UNC13C: variants seen among roughly 807,000 people sequenced by gnomAD.
UNC13C encodes protein unc-13 homolog C.
Under a neutral mutation model 245.4 loss-of-function variants are expected in UNC13C, and 174 were observed. The ratio of observed to expected loss-of-function variants is 0.71; its 90% CI spans 0.63 to 0.80. The LOEUF (loss-of-function observed/expected upper bound fraction) is 0.80. UNC13C is among the 30% of genes least tolerant of loss of function. The probability of loss-of-function intolerance (pLI) is 0.00; values close to 1 mark genes in which losing one functional copy is unlikely to be tolerated. For missense variants in UNC13C, 2,829 were observed against 2,602.9 expected (o/e 1.09, Z -1.89); for synonymous variants, 992 against 895.1 (o/e 1.11, Z -1.93).
At chr15:54,426,851 G>A (rs902332702) in intron 19 of UNC13C, among the ~76,000 whole-genome samples, 2 of 151,714 alleles carry the variant, frequency 1.3e-5, no homozygotes, top group Non-Finnish European at 2.9e-5. Context: ...ATTAAATTAG[G>A]TGCTACGTGT....
At chr15:54,321,693 A>T in intron 13 of UNC13C, 1 of 435,340 alleles carries the variant, frequency 2.3e-6, no homozygotes, top group Non-Finnish European at 4.0e-6. Context: ...GGAGACTTTA[A>T]CAATGCTTTC....
chr15:54,430,418 T>G (rs1404677690), intron 19 of UNC13C, among the ~76,000 whole-genome samples: 4 of 151,764 alleles, frequency 2.6e-5, no homozygotes, highest in Non-Finnish European at 4.4e-5. Context: ...TTTTCATGCT[T>G]CTTTCGTATT....
chr15:54,061,141 A>G (rs1317719359), intron 2 of UNC13C, among the ~76,000 whole-genome samples: 1 of 152,004 alleles, frequency 6.6e-6, no homozygotes, highest in African/African-American at 2.4e-5. Flanking sequence ...AAAGGAATCT[A>G]AATTTAAAAA....
intron 16 of UNC13C, among the ~76,000 whole-genome samples, chr15:54,336,060 A>T (rs2038566774): frequency 1.3e-5 from 2 of 151,766 alleles, no homozygotes; most frequent in African/African-American, 2.4e-5. Context: ...GGAGGGGTTG[A>T]TTTTCTATCT....
chr15:53,975,489 C>T (rs1031730367), upstream of UNC13C, among the ~76,000 whole-genome samples: 2 of 152,064 alleles, frequency 1.3e-5, no homozygotes, highest in South Asian at 4.2e-4. Flanking sequence ...TTACCAATTC[C>T]CTAAAATAAA....
At chr15:54,156,367 T>A (rs2032745341) in intron 4 of UNC13C, among the ~76,000 whole-genome samples, 1 of 152,190 alleles carries the variant, frequency 6.6e-6, no homozygotes, top group Non-Finnish European at 1.5e-5. Flanking sequence ...ACCAGGGGAT[T>A]TGTAGAAGCC....
At chr15:54,159,919 T>C (rs995788861) in intron 4 of UNC13C, among the ~76,000 whole-genome samples, 7 of 152,184 alleles carry the variant, frequency 4.6e-5, no homozygotes, top group Non-Finnish European at 2.9e-5. Flanking sequence ...TCCTCTTCCC[T>C]TAGTTACTAT....
At chr15:54,080,535 T>C (rs145704900) in intron 2 of UNC13C, among the ~76,000 whole-genome samples, 32 of 152,160 alleles carry the variant, frequency 2.1e-4, no homozygotes, top group African/African-American at 7.0e-4. Flanking sequence ...AATTTCTTAC[T>C]GTTTTAATCT....
chr15:54,048,142 A>G lies in UNC13C; in HGVS notation c.2983+32256A>G, dbSNP rs567811488. Among the ~76,000 whole-genome samples, 553 of 152,304 alleles carry G rather than the reference A, an allele frequency of 3.6e-3. 1 individual carries two copies. Among genetic ancestry groups the G allele is most frequent in the Non-Finnish European group, 5.3e-3 (362 of 68,006 alleles). On this transcript the variant is annotated intron_variant, in intron 2 of 32. Coordinates refer to ENST00000260323, the MANE Select transcript of UNC13C (RefSeq NM_001080534.3). ...TCCTTAGTTAATCAGAATTCATTTC[A>G]AAATACAAAACTTCTTAAATATAAG... is the stretch of plus-strand genomic sequence containing the variant.
Position 54,256,455 on chromosome 15 carries a change from G to A in UNC13C, c.3448+6011G>A, listed in dbSNP as rs74013563. The stretch of plus-strand genomic sequence containing the variant: ...TTTCACTTTCCAGTTTCAGTCCTCC[G>A]CAGTATGGTCCAAAAATATTAAATA... On this transcript the variant is annotated intron_variant, in intron 8 of 32. Coordinates refer to ENST00000260323, the MANE Select transcript of UNC13C (RefSeq NM_001080534.3). 5.9e-5 allele frequency among the ~76,000 whole-genome samples: 9 copies of A among 151,972 alleles called. No individual in the cohort carries two copies. The South Asian group carries it at 8.3e-4, about 14-fold the overall frequency.
At chr15:54,399,014 G>A (rs1452225404) in intron 18 of UNC13C, among the ~76,000 whole-genome samples, 2 of 151,498 alleles carry the variant, frequency 1.3e-5, no homozygotes, top group African/African-American at 4.8e-5. Flanking sequence ...GGTTATAGCA[G>A]TAATCCAGTG....
intron 18 of UNC13C, among the ~76,000 whole-genome samples, chr15:54,398,165 G>C (rs779201475): frequency 6.0e-5 from 9 of 151,258 alleles, no homozygotes; most frequent in Admixed American, 1.3e-4. Flanking sequence ...TATCATGAAA[G>C]GGTGTTGGAT....
At chr15:54,063,554 T>G (rs1595794849) in intron 2 of UNC13C, among the ~76,000 whole-genome samples, 1 of 152,230 alleles carries the variant, frequency 6.6e-6, no homozygotes, top group East Asian at 1.9e-4. Flanking sequence ...CCTCACTCAT[T>G]TTTATTCTCC....
Position 54,494,243 on chromosome 15 carries a change from G to T in UNC13C, c.4934-365G>T, listed in dbSNP as rs114960500. Among the ~76,000 whole-genome samples, 962 of 152,136 alleles carry T rather than the reference G, an allele frequency of 6.3e-3. 8 individuals carry two copies. Among genetic ancestry groups the T allele is most frequent in the African/African-American group, 0.022 (922 of 41,558 alleles). On this transcript the variant is annotated intron_variant, in intron 19 of 32. Transcript: ENST00000260323. ...AACTTAAAGAATAATTTTAAAAAAA[G>T]AATTTTAATTCTCTCTGTCACTTTG...
intron 4 of UNC13C, among the ~76,000 whole-genome samples, chr15:54,158,651 AT>A (rs10715294): frequency 0.029 from 4,303 of 149,590 alleles, 210 homozygotes; most frequent in African/African-American, 0.1. Context: ...TTTTCTTTTT[AT>A]TTTTTTTAAA....
intron 2 of UNC13C, chr15:54,050,548 G>A: frequency 2.2e-6 from 1 of 461,990 alleles, no homozygotes; most frequent in Non-Finnish European, 4.3e-6. Context: ...CTATCTTCCT[G>A]CAAGTATTCT....
At chr15:54,490,369 A>G (rs537240065) in intron 19 of UNC13C, among the ~76,000 whole-genome samples, 1 of 152,324 alleles carries the variant, frequency 6.6e-6, no homozygotes, top group South Asian at 2.1e-4. Context: ...GTGTGGCTGC[A>G]GTAAAGTAGA....
chr15:54,406,463 G>T (rs2040295433), intron 18 of UNC13C, among the ~76,000 whole-genome samples: 1 of 152,178 alleles, frequency 6.6e-6, no homozygotes, highest in African/African-American at 2.4e-5. Flanking sequence ...CCATTTCTCA[G>T]ATTCCTTCCA....
intron 19 of UNC13C, among the ~76,000 whole-genome samples, chr15:54,437,326 C>T (rs1326993825): frequency 6.6e-6 from 1 of 151,938 alleles, no homozygotes; most frequent in East Asian, 1.9e-4. Context: ...TCAATAGCAT[C>T]TAAATATTGT....
Sources: gnomAD v4.1 joint callset for allele counts (sites outside exome capture counted in the v4.1 genomes callset) on GRCh38, gnomAD v4.1.1 for gene constraint, MANE v1.5 for transcripts, NCBI Gene and HGNC (gene_info 2026-07-23, HGNC 2026-07-21) for gene names.